DPP6: variants seen among roughly 807,000 people sequenced by gnomAD.
DPP6 encodes the protein A-type potassium channel modulatory protein DPP6.
In DPP6, 69 loss-of-function variants were observed where a neutral mutation model predicts 122.6. The observed-to-expected ratio is 0.56, with a 90% CI of 0.46 to 0.69. The LOEUF (loss-of-function observed/expected upper bound fraction) is 0.69. DPP6 is among the 30% of genes least tolerant of loss of function. DPP6 has a pLI of 0.00. For synonymous variants in DPP6, 418 were observed against 433.1 expected (o/e 0.97, Z 0.43); for missense variants, 928 against 1,116.9 (o/e 0.83, Z 2.41).
At chr7:154,324,207 G>C (rs949998859) in intron 1 of DPP6, among the ~76,000 whole-genome samples, 1 of 152,160 alleles carries the variant, frequency 6.6e-6, no homozygotes, top group Non-Finnish European at 1.5e-5. Context: ...TCCTGTTCAC[G>C]GTTGCCTTTT....
chr7:153,950,810 C>T (rs558040022), intron 1 of DPP6, among the ~76,000 whole-genome samples: 1 of 152,278 alleles, frequency 6.6e-6, no homozygotes, highest in Admixed American at 6.5e-5. Flanking sequence ...AGGAACATAT[C>T]GGTGGTGGAT....
At chr7:154,815,424 G>A (rs971743793) in intron 16 of DPP6, among the ~76,000 whole-genome samples, 1 of 152,166 alleles carries the variant, frequency 6.6e-6, no homozygotes, top group African/African-American at 2.4e-5. Context: ...CAACAGAATC[G>A]AAGTGCCCAA....
intron 3 of DPP6, among the ~76,000 whole-genome samples, chr7:154,521,091 TCTTAGATTTA>T (rs1342854308): frequency 6.6e-6 from 1 of 152,168 alleles, no homozygotes; most frequent in Non-Finnish European, 1.5e-5. Context: ...CTTCAAAAAA[TCTTAGATTTA>T]TATAACAGCT....
rs563531661 is a variant in DPP6 at position 154,760,483 on chromosome 7, G to C, written c.884-8934G>C. The stretch of plus-strand genomic sequence containing the variant: ...GGAGGGAGCGTCAGTGTTTCAGCAG[G>C]TTGTTTCTATTCTTGTCTGCCATTC... On this transcript the variant is annotated intron_variant, in intron 8 of 25. Coordinates refer to ENST00000377770, the MANE Select transcript of DPP6 (RefSeq NM_130797.4). This position sits in a 1 kb window ranked among gnomAD's most constrained non-coding sequence, Gnocchi z 4.5. 1.3e-4 allele frequency among the ~76,000 whole-genome samples: 20 copies of C among 152,234 alleles called. 1 individual carries two copies. The highest frequency in any genetic ancestry group is 4.8e-4 in the African/African-American group (20 of 41,526).
intron 3 of DPP6, among the ~76,000 whole-genome samples, chr7:154,499,834 C>T (rs1244035189): frequency 6.6e-6 from 1 of 152,066 alleles, no homozygotes; most frequent in Non-Finnish European, 1.5e-5. Context: ...AACCAGGTTT[C>T]ATGAGTCACT....
chr7:154,726,362 G>A (rs59699501), intron 7 of DPP6, among the ~76,000 whole-genome samples: 1,778 of 152,278 alleles, frequency 0.012, 36 homozygotes, highest in African/African-American at 0.04. Flanking sequence ...TGAAATTTAG[G>A]TGGATACTCC....
At position 154,363,562 on chromosome 7, in the gene DPP6, T is replaced by G. The variant is rs1282906486; in HGVS notation, c.244-82652T>G. Among the ~76,000 whole-genome samples the G allele has an allele frequency of 2.0e-5, 3 of 152,196 alleles. No individual in the cohort carries two copies. In the East Asian group the frequency reaches 5.8e-4, roughly 29 times the overall value. On this transcript the variant is annotated intron_variant, in intron 1 of 25. Transcript: ENST00000377770. ...TTCCAGGCTGAGGCTAGGGGAGCTG[T>G]CTGTGTCTGTGGCCCCCATGGGTGA...
At chr7:153,794,695 G>A in the DPP6 span, among the ~76,000 whole-genome samples, 14 of 152,166 alleles carry the variant, frequency 9.2e-5, no homozygotes, top group African/African-American at 1.9e-4. Context: ...GATATGGTTC[G>A]GCTCTGTCCC....
intron 4 of DPP6, among the ~76,000 whole-genome samples, chr7:154,552,976 A>G (rs1379772107): frequency 1.3e-5 from 2 of 152,222 alleles, no homozygotes; most frequent in African/African-American, 4.8e-5. Context: ...TCAAGGTAAG[A>G]TACTTTACTC....
chr7:154,826,822 A>G (rs1368918566), intron 16 of DPP6, among the ~76,000 whole-genome samples: 1 of 152,242 alleles, frequency 6.6e-6, no homozygotes, highest in Non-Finnish European at 1.5e-5. Context: ...AAATGAGCAG[A>G]GACGTCTGGC....
At chr7:153,798,581 A>T in the DPP6 span, among the ~76,000 whole-genome samples, 1 of 152,096 alleles carries the variant, frequency 6.6e-6, no homozygotes, top group Non-Finnish European at 1.5e-5. Flanking sequence ...AGTCCCCAAC[A>T]TTTTTGGCAC....
chr7:154,027,128 GA>G (rs1433884233), intron 1 of DPP6: 1 of 147,976 alleles, frequency 6.8e-6, no homozygotes, highest in African/African-American at 2.5e-5. Context: ...AGTTCTAAAG[GA>G]AATTAAACAT....
At chr7:154,719,182 G>A (rs550616178) in intron 7 of DPP6, among the ~76,000 whole-genome samples, 13 of 152,220 alleles carry the variant, frequency 8.5e-5, no homozygotes, top group South Asian at 2.1e-4. Context: ...CTGTGGCGGC[G>A]TGTTTGGGTG....
At chr7:154,249,524 C>T (rs1476170659) in intron 1 of DPP6, among the ~76,000 whole-genome samples, 1 of 152,138 alleles carries the variant, frequency 6.6e-6, no homozygotes, top group Non-Finnish European at 1.5e-5. Context: ...ATCAAAGAAT[C>T]CTGATTATTT....
the DPP6 span, among the ~76,000 whole-genome samples, chr7:153,813,902 A>G: frequency 2.0e-5 from 3 of 151,966 alleles, no homozygotes; most frequent in African/African-American, 7.2e-5. Context: ...ATTTGAGTTC[A>G]TTGTAGATTC....
chr7:154,123,391 T>G (rs1229743460), intron 1 of DPP6, among the ~76,000 whole-genome samples: 1 of 152,222 alleles, frequency 6.6e-6, no homozygotes, highest in Non-Finnish European at 1.5e-5. Context: ...TGTTCCACAT[T>G]TACATGAAGG....
rs1584954915 is a variant in DPP6, at chr7:154,875,672, G to C, written c.1884-234G>C. Among the ~76,000 whole-genome samples, 1 of 152,186 alleles carries C rather than the reference G, an allele frequency of 6.6e-6. No individual in the cohort carries two copies. The highest frequency in any genetic ancestry group is 2.4e-5 in the African/African-American group (1 of 41,450). ...CCCAGACAGCGCCGGTGTGTGTAGG[G>C]ATGGCCCTGGGTGTCCTAGGCTCTT... On this transcript the variant is annotated intron_variant, in intron 19 of 25. Transcript: ENST00000377770. The surrounding 1 kb of genome is among the most constrained non-coding windows in gnomAD (Gnocchi z 4.5).
intron 16 of DPP6, among the ~76,000 whole-genome samples, chr7:154,839,127 T>C (rs1305333813): frequency 1.3e-5 from 2 of 152,168 alleles, no homozygotes; most frequent in African/African-American, 2.4e-5. Context: ...ATAACAATAC[T>C]AGACACACCT....
intron 6 of DPP6, among the ~76,000 whole-genome samples, chr7:154,664,638 G>C (rs190578345): frequency 2.9e-4 from 44 of 149,732 alleles, no homozygotes; most frequent in Admixed American, 1.4e-3. Flanking sequence ...GGCCTGTGCT[G>C]TGCTCCATAT....
Sources: gnomAD v4.1 joint callset for allele counts (sites outside exome capture counted in the v4.1 genomes callset) on GRCh38, gnomAD v4.1.1 for gene constraint, Gnocchi (gnomAD v3.1) non-coding constraint, MANE v1.5 for transcripts, NCBI Gene and HGNC (gene_info 2026-07-23, HGNC 2026-07-21) for gene names.